Variants in PAPSS1 observed in about 807,000 individuals in gnomAD.
PAPSS1 encodes bifunctional 3'-phosphoadenosine 5'-phosphosulfate synthase 1.
Under a neutral mutation model 72.0 loss-of-function variants are expected in PAPSS1, and 50 were observed. The observed-to-expected ratio is 0.69, with a 90% CI of 0.55 to 0.88. The LOEUF (loss-of-function observed/expected upper bound fraction) is 0.88. PAPSS1 is among the 40% of genes least tolerant of loss of function. PAPSS1 has a pLI of 0.00. For synonymous variants in PAPSS1, 261 were observed against 263.6 expected (o/e 0.99, Z 0.09); for missense variants, 657 against 782.2 (o/e 0.84, Z 1.91).
chr4:107,678,400 C>G (rs1727718100), intron 5 of PAPSS1, among the ~76,000 whole-genome samples: 1 of 151,828 alleles, frequency 6.6e-6, no homozygotes, highest in Admixed American at 6.6e-5. Context: ...CATCACCTAA[C>G]AAGTGAAAAG....
Position 107,673,492 on chromosome 4 carries a change from G to A in PAPSS1, c.669+8523C>T, listed in dbSNP as rs576185836. ...GAAGATTAAATGAATGAAATGAAGC[G>A]AGAAGAGAAGTTTAGAGAAAAAAAG... is the stretch of plus-strand genomic sequence containing the variant. On this transcript the variant is annotated intron_variant, in intron 5 of 11. Transcript: ENST00000265174. Among the ~76,000 whole-genome samples, 378 of 152,228 alleles carry A rather than the reference G, an allele frequency of 2.5e-3. 1 individual carries two copies. Among genetic ancestry groups the A allele is most frequent in the Non-Finnish European group, 4.5e-3 (307 of 68,022 alleles).
intron 2 of PAPSS1, among the ~76,000 whole-genome samples, chr4:107,696,587 G>A (rs1012764709): frequency 6.6e-6 from 1 of 152,020 alleles, no homozygotes; most frequent in Admixed American, 6.6e-5. Flanking sequence ...CCTCCCAGTG[G>A]GGGTAGGTAG....
rs35532424 is a variant in PAPSS1, at chr4:107,693,936, T to C, written c.246A>G (p.Pro82=). The change falls in exon 3 of 12, where the codon CCA becomes CCG. Residue 82 remains proline, a synonymous_variant. Transcript: ENST00000265174. ...LEEYLVCHGI[P]CYTLDGDNIR... is the part of the protein sequence containing the mutation. ...TATTGTCACCATCCAGAGTGTAGCATGGAATACCATGACAAACCAGGTACT... is the reference window on the plus strand; with the variant it reads ...TATTGTCACCATCCAGAGTGTAGCACGGAATACCATGACAAACCAGGTACT... The C allele has an allele frequency of 3.4e-5, 55 of 1,613,894 alleles. No homozygotes were observed. The African/African-American group carries it at 6.3e-4, about 18-fold the overall frequency.
chr4:107,675,190 G>A (rs1051172553), intron 5 of PAPSS1, among the ~76,000 whole-genome samples: 2 of 152,074 alleles, frequency 1.3e-5, no homozygotes, highest in Admixed American at 1.3e-4. Flanking sequence ...GATCAGAGCA[G>A]AACTGAAGGA....
At chr4:107,624,224 T>G (rs1178426436) in intron 11 of PAPSS1, among the ~76,000 whole-genome samples, 1 of 152,224 alleles carries the variant, frequency 6.6e-6, no homozygotes, top group Non-Finnish European at 1.5e-5. Context: ...AAAGGAGTGC[T>G]GACTCATCTT....
intron 11 of PAPSS1, among the ~76,000 whole-genome samples, chr4:107,618,753 T>C (rs560235141): frequency 3.7e-4 from 57 of 152,258 alleles, no homozygotes; most frequent in Non-Finnish European, 2.2e-4. Flanking sequence ...ATGCAGTTAG[T>C]TGACTTTATC....
chr4:107,695,539 T>C (rs1560588293), intron 2 of PAPSS1, among the ~76,000 whole-genome samples: 1 of 152,020 alleles, frequency 6.6e-6, no homozygotes. Context: ...TGACTAGGAG[T>C]GGTGAGAGAC....
intron 11 of PAPSS1, among the ~76,000 whole-genome samples, chr4:107,615,875 C>T (rs887601437): frequency 1.3e-5 from 2 of 152,138 alleles, no homozygotes; most frequent in African/African-American, 4.8e-5. Flanking sequence ...GCTCTTTCCT[C>T]TACATAAGGA....
At chr4:107,691,871 G>A (rs17037999) in intron 3 of PAPSS1, among the ~76,000 whole-genome samples, 83,537 of 151,864 alleles carry the variant, frequency 0.55, 23,439 homozygotes, top group South Asian at 0.65. Flanking sequence ...CAATGAATTG[G>A]GTTTTTAAAA....
chr4:107,668,807 A>G (rs1727388306), intron 5 of PAPSS1, among the ~76,000 whole-genome samples: 1 of 152,102 alleles, frequency 6.6e-6, no homozygotes, highest in Non-Finnish European at 1.5e-5. Flanking sequence ...ACACACACAC[A>G]TATATATGTA....
chr4:107,644,182 T>C (rs1726632838), intron 10 of PAPSS1, among the ~76,000 whole-genome samples: 1 of 152,116 alleles, frequency 6.6e-6, no homozygotes, highest in Non-Finnish European at 1.5e-5. Context: ...TTGACACGGT[T>C]CAGGACACAC....
intron 11 of PAPSS1, among the ~76,000 whole-genome samples, chr4:107,619,951 A>T (rs1725914062): frequency 6.6e-6 from 1 of 152,202 alleles, no homozygotes; most frequent in Non-Finnish European, 1.5e-5. Context: ...TGTGGCCAGC[A>T]TCTTGACTAA....
intron 1 of PAPSS1, among the ~76,000 whole-genome samples, chr4:107,712,952 A>T (rs1260765879): frequency 6.9e-6 from 1 of 145,974 alleles, no homozygotes; most frequent in East Asian, 2.0e-4. Flanking sequence ...ATGAACTATT[A>T]AAAAAAAAAA....
chr4:107,616,992 C>T (rs1325065557), intron 11 of PAPSS1, among the ~76,000 whole-genome samples: 1 of 152,116 alleles, frequency 6.6e-6, no homozygotes, highest in Non-Finnish European at 1.5e-5. Flanking sequence ...CCACACTAGT[C>T]AGCTTTCCAC....
At chr4:107,644,680 T>C (rs1253810131) in intron 10 of PAPSS1, 122 bp downstream of exon 10, 2 of 886,332 alleles carry the variant, frequency 2.3e-6, no homozygotes, top group Non-Finnish European at 3.3e-6. Flanking sequence ...AAGAATGTCA[T>C]GTATAACAAA....
intron 10 of PAPSS1, among the ~76,000 whole-genome samples, chr4:107,637,143 T>G (rs949860025): frequency 6.6e-6 from 1 of 152,180 alleles, no homozygotes; most frequent in Non-Finnish European, 1.5e-5. Context: ...GTTACTTACC[T>G]CCACACACAT....
intron 1 of PAPSS1, chr4:107,718,216 G>T (rs1278424894): frequency 6.6e-6 from 1 of 152,134 alleles, no homozygotes; most frequent in Non-Finnish European, 1.5e-5. Flanking sequence ...ATGAGGGAGA[G>T]AAAAATTTAC....
At chr4:107,715,021 A>G (rs1195424290) in intron 1 of PAPSS1, among the ~76,000 whole-genome samples, 1 of 152,072 alleles carries the variant, frequency 6.6e-6, no homozygotes, top group Non-Finnish European at 1.5e-5. Context: ...AAACACACAG[A>G]TAAGTAGAAA....
At chr4:107,694,088 C>A in intron 2 of PAPSS1, 82 bp from the exon 3 acceptor site, 1 of 1,006,152 alleles carries the variant, frequency 9.9e-7, no homozygotes. Context: ...TTCCCAGAAA[C>A]AAGAGTCTTG....
Sources: allele counts gnomAD v4.1 joint callset (sites outside exome capture counted in the v4.1 genomes callset), GRCh38; gene constraint gnomAD v4.1.1; transcripts MANE v1.5; gene names NCBI Gene and HGNC (gene_info 2026-07-23, HGNC 2026-07-21).